Variants in CELF1 observed in about 807,000 individuals in gnomAD.
CELF1 encodes 50 kDa nuclear polyadenylated RNA-binding protein.
CELF1 carries 10 observed loss-of-function variants against 61.8 expected under a neutral mutation model. The ratio of observed to expected loss-of-function variants is 0.16; its 90% CI spans 0.10 to 0.27. CELF1 has a LOEUF of 0.27. CELF1 is among the 10% of genes least tolerant of loss of function. The probability of loss-of-function intolerance (pLI) is 1.00; values close to 1 mark genes in which losing one functional copy is unlikely to be tolerated. For missense variants in CELF1, 380 were observed against 639.1 expected (o/e 0.59, Z 4.37); for synonymous variants, 236 against 225.1 (o/e 1.05, Z -0.43).
intron 1 of CELF1, among the ~76,000 whole-genome samples, chr11:47,545,984 C>T (rs2096935291): frequency 6.6e-6 from 1 of 151,110 alleles, no homozygotes; most frequent in Admixed American, 6.6e-5. Context: ...CATCTCAGCT[C>T]ACTGCAAGCT....
intron 6 of CELF1, 96 bp from the exon 7 acceptor site, chr11:47,484,619 C>T: frequency 1.0e-6 from 1 of 967,700 alleles, no homozygotes; most frequent in Middle Eastern, 2.3e-4. Flanking sequence ...TGAATCCTGG[C>T]TCTGTACCAT....
chr11:47,518,049 T>C (rs1270685776), intron 1 of CELF1, among the ~76,000 whole-genome samples: 5 of 152,102 alleles, frequency 3.3e-5, no homozygotes, highest in African/African-American at 9.7e-5. Flanking sequence ...AGTCCATTCC[T>C]ACCACTTAAA....
chr11:47,511,447 C>T (rs2095162372), intron 1 of CELF1, among the ~76,000 whole-genome samples: 1 of 151,812 alleles, frequency 6.6e-6, no homozygotes, highest in East Asian at 1.9e-4. Flanking sequence ...GTTTTTTGAA[C>T]AATAAATTTT....
intron 10 of CELF1, among the ~76,000 whole-genome samples, chr11:47,478,106 T>C (rs1391897813): frequency 6.6e-6 from 1 of 151,750 alleles, no homozygotes; most frequent in Non-Finnish European, 1.5e-5. Flanking sequence ...GTGGAAAGAG[T>C]AAACGAGAAT....
chr11:47,555,736 G>A (rs543615549), upstream of CELF1, among the ~76,000 whole-genome samples: 13 of 152,164 alleles, frequency 8.5e-5, no homozygotes, highest in East Asian at 1.7e-3. Flanking sequence ...GGCCAGGCGC[G>A]GTAGCTCATG....
intron 1 of CELF1, among the ~76,000 whole-genome samples, chr11:47,503,853 G>T (rs994058833): frequency 5.3e-5 from 8 of 152,168 alleles, no homozygotes; most frequent in African/African-American, 1.9e-4. Context: ...GAAGATTTCT[G>T]TTATTGTTAC....
rs995030778 is a variant in CELF1, at chr11:47,553,064, T to A, written c.-226A>T. The A allele has an allele frequency of 2.5e-6, 1 of 400,924 alleles. No individual in the cohort carries two copies. Among genetic ancestry groups the A allele is most frequent in the Non-Finnish European group, 4.4e-6 (1 of 228,292 alleles). The allele number at this position is 400,924 out of a possible 1,614,324, so 24.8% of individuals were successfully genotyped here. A position where few individuals can be genotyped will look rare whatever the true frequency, so the allele number is the denominator to read the frequency against. ...TCCGCAGCCGCCGCCGCCGCCTCGC[T>A]GCTGAGGCCGAATCCCGGGGGAGCC... On this transcript the variant is annotated 5_prime_UTR_variant, in exon 1 of 15. Transcript: ENST00000687097.
At chr11:47,542,272 G>A (rs1241880958) in intron 1 of CELF1, among the ~76,000 whole-genome samples, 1 of 152,072 alleles carries the variant, frequency 6.6e-6, no homozygotes, top group African/African-American at 2.4e-5. Context: ...CGAGGTTGAG[G>A]CAGAAGAATC....
intron 1 of CELF1, among the ~76,000 whole-genome samples, chr11:47,504,362 C>T (rs1239248927): frequency 6.7e-6 from 1 of 150,074 alleles, no homozygotes; most frequent in Non-Finnish European, 1.5e-5. Context: ...AAGGCAGGAG[C>T]ATCATTTGAG....
chr11:47,531,493 T>C (rs1340170866), intron 1 of CELF1, among the ~76,000 whole-genome samples: 1 of 152,080 alleles, frequency 6.6e-6, no homozygotes, highest in African/African-American at 2.4e-5. Flanking sequence ...TGCTTGAATC[T>C]GGGAGGCAGA....
intron 1 of CELF1, among the ~76,000 whole-genome samples, chr11:47,548,723 G>T (rs549974156): frequency 1.3e-5 from 2 of 151,664 alleles, no homozygotes; most frequent in Admixed American, 6.6e-5. Context: ...AAAATTAGCC[G>T]GGCGTGGTAG....
In CELF1 at chr11:47,524,297, C is replaced by G. The variant is rs547895819; in HGVS notation, c.-153-23365G>C. ...CTGATCTTTGTGACCTGTAACAAAA[C>G]AAAGAGGAAAAAAAAAACACTACCA... is the stretch of plus-strand genomic sequence containing the variant. On this transcript the variant is annotated intron_variant, in intron 1 of 14. Transcript: ENST00000687097. Among the ~76,000 whole-genome samples, 93 of 151,002 alleles carry G rather than the reference C, an allele frequency of 6.2e-4. 1 individual carries two copies. Among genetic ancestry groups the G allele is most frequent in the Non-Finnish European group, 7.4e-5 (5 of 67,720 alleles).
At chr11:47,522,719 C>CAA (rs372254544) in intron 1 of CELF1, among the ~76,000 whole-genome samples, 4 of 151,200 alleles carry the variant, frequency 2.6e-5, no homozygotes, top group African/African-American at 7.3e-5. Flanking sequence ...CGCAGCTACT[C>CAA]AGAGGCTGAG....
intron 1 of CELF1, among the ~76,000 whole-genome samples, chr11:47,534,706 C>T (rs1278484928): frequency 1.3e-5 from 2 of 151,928 alleles, no homozygotes; most frequent in East Asian, 1.9e-4. Flanking sequence ...CCAGCCTAGG[C>T]GACAGAGCGA....
rs1183798277 is a variant in CELF1, at chr11:47,466,561, TC to T, written c.*5668del. ...AGGTTTGTCTCCAAAATGTAAAGTT[TC>T]TTTTTTTTTTTCTTTTTAAATTATT... is the stretch of plus-strand genomic sequence containing the variant. On this transcript the variant is annotated 3_prime_UTR_variant, in exon 15 of 15. Coordinates refer to ENST00000687097, the MANE Select transcript of CELF1 (RefSeq NM_001376376.1). 1 of 136,702 alleles carries T rather than the reference TC, an allele frequency of 7.3e-6. No individual in the cohort carries two copies. Among genetic ancestry groups the T allele is most frequent in the East Asian group, 2.2e-4 (1 of 4,644 alleles). The allele number at this position is 136,702 out of a possible 1,614,324, so 8.5% of individuals were successfully genotyped here. A position where few individuals can be genotyped will look rare whatever the true frequency, so the allele number is the denominator to read the frequency against.
chr11:47,505,925 A>T (rs1289031813), intron 1 of CELF1, among the ~76,000 whole-genome samples: 1 of 140,410 alleles, frequency 7.1e-6, no homozygotes, highest in African/African-American at 2.5e-5. Flanking sequence ...ACAAGAGTGA[A>T]ACTCTGTCTC....
At chr11:47,508,900 G>A (rs569077297) in intron 1 of CELF1, among the ~76,000 whole-genome samples, 2 of 152,200 alleles carry the variant, frequency 1.3e-5, no homozygotes, top group South Asian at 2.1e-4. Context: ...CTCCTGAGTA[G>A]CTGGGATTAC....
intron 14 of CELF1, among the ~76,000 whole-genome samples, chr11:47,472,774 G>C (rs1471754359): frequency 6.6e-6 from 1 of 152,088 alleles, no homozygotes; most frequent in Admixed American, 6.5e-5. Flanking sequence ...CGAACTCCTA[G>C]GCTCAAGCGA....
At chr11:47,510,904 G>A (rs1244302267) in intron 1 of CELF1, among the ~76,000 whole-genome samples, 3 of 152,116 alleles carry the variant, frequency 2.0e-5, no homozygotes, top group Non-Finnish European at 2.9e-5. Context: ...GAATTTAGCT[G>A]GGTACAGTGG....
Sources: allele counts gnomAD v4.1 joint callset (sites outside exome capture counted in the v4.1 genomes callset), GRCh38; gene constraint gnomAD v4.1.1; transcripts MANE v1.5; gene names NCBI Gene and HGNC (gene_info 2026-07-23, HGNC 2026-07-21).